Variants in AKR1C8 observed in about 807,000 individuals in gnomAD.
AKR1C8 encodes the protein aldo-keto reductase family 1 member C8.
At chr10:5,181,933 T>C in the AKR1C8 span, among the ~76,000 whole-genome samples, 1 of 152,006 alleles carries the variant, frequency 6.6e-6, no homozygotes, top group Non-Finnish European at 1.5e-5. Flanking sequence ...CATGCAAGAC[T>C]CACAAAAAAC....
At chr10:5,116,378 G>T in the AKR1C8 span, among the ~76,000 whole-genome samples, 1 of 151,970 alleles carries the variant, frequency 6.6e-6, no homozygotes, top group Admixed American at 6.6e-5. Flanking sequence ...GTGAAGTCAC[G>T]GGAATAGGAA....
At chr10:5,175,474 C>T in the AKR1C8 span, among the ~76,000 whole-genome samples, 1,000 of 152,198 alleles carry the variant, frequency 6.6e-3, 10 homozygotes, top group African/African-American at 0.023. Context: ...GATTTATAGT[C>T]CTTTGGGTAT....
the AKR1C8 span, among the ~76,000 whole-genome samples, chr10:5,140,861 T>C: frequency 6.6e-6 from 1 of 151,538 alleles, no homozygotes. Context: ...AAAGAAATTA[T>C]TCCCTCACTG....
the AKR1C8 span, among the ~76,000 whole-genome samples, chr10:5,158,378 A>G: frequency 1.3e-5 from 2 of 152,150 alleles, no homozygotes; most frequent in African/African-American, 4.8e-5. Flanking sequence ...TTATTTTAGG[A>G]GTGGGGTTGG....
At chr10:5,137,818 G>A in the AKR1C8 span, among the ~76,000 whole-genome samples, 3 of 152,084 alleles carry the variant, frequency 2.0e-5, no homozygotes, top group Non-Finnish European at 4.4e-5. Flanking sequence ...GTAGGACCGT[G>A]ATGCCTGCCT....
chr10:5,168,033 A>G, the AKR1C8 span, among the ~76,000 whole-genome samples: 1 of 152,072 alleles, frequency 6.6e-6, no homozygotes, highest in East Asian at 1.9e-4. Flanking sequence ...TTAAAAAAAA[A>G]GACTTATATT....
the AKR1C8 span, among the ~76,000 whole-genome samples, chr10:5,182,561 A>G: frequency 6.6e-6 from 1 of 152,322 alleles, no homozygotes; most frequent in Middle Eastern, 3.4e-3. Context: ...TTATTATCTG[A>G]GGTTACTTAT....
chr10:5,177,221 A>G, the AKR1C8 span, among the ~76,000 whole-genome samples: 6 of 152,080 alleles, frequency 3.9e-5, no homozygotes, highest in African/African-American at 9.6e-5. Context: ...CCTTTTCTGC[A>G]TCTATTGAGA....
chr10:5,124,206 G>C, the AKR1C8 span, among the ~76,000 whole-genome samples: 1 of 152,110 alleles, frequency 6.6e-6, no homozygotes, highest in African/African-American at 2.4e-5. Context: ...TGCAAAATAA[G>C]TAGTTTTATA....
chr10:5,157,830 A>C, the AKR1C8 span: 41 of 458,674 alleles, frequency 8.9e-5, no homozygotes, highest in Admixed American at 9.4e-4. Context: ...CACAGATGTG[A>C]AGGATGCAGG....
At chr10:5,135,937 T>A in the AKR1C8 span, among the ~76,000 whole-genome samples, 1 of 152,204 alleles carries the variant, frequency 6.6e-6, no homozygotes, top group Non-Finnish European at 1.5e-5. Flanking sequence ...GATGATGTTG[T>A]AATCCTGACA....
chr10:5,132,812 C>T, the AKR1C8 span: 2 of 867,340 alleles, frequency 2.3e-6, no homozygotes, highest in Non-Finnish European at 3.5e-6. Context: ...TCAATGTGCT[C>T]AACAGGTAGT....
At chr10:5,123,536 G>T in the AKR1C8 span, 1,257 of 606,908 alleles carry the variant, frequency 2.1e-3, 6 homozygotes, top group African/African-American at 0.021. Context: ...GCACCAGAGC[G>T]TCTCAAGTGA....
At chr10:5,139,045 C>T in the AKR1C8 span, among the ~76,000 whole-genome samples, 1 of 152,120 alleles carries the variant, frequency 6.6e-6, no homozygotes, top group Non-Finnish European at 1.5e-5. Flanking sequence ...TGAGTGAACT[C>T]CCATTCACAA....
chr10:5,157,585 C>G, the AKR1C8 span: 2 of 442,838 alleles, frequency 4.5e-6, no homozygotes, highest in Non-Finnish European at 9.4e-6. Context: ...GAGAGATCGC[C>G]CAGATCAGCA....
the AKR1C8 span, among the ~76,000 whole-genome samples, chr10:5,146,768 T>A: frequency 6.6e-6 from 1 of 152,212 alleles, no homozygotes; most frequent in African/African-American, 2.4e-5. Flanking sequence ...TTTGCTTTTA[T>A]TGCATTTGCT....
At chr10:5,157,429 T>C in the AKR1C8 span, among the ~76,000 whole-genome samples, 1 of 152,204 alleles carries the variant, frequency 6.6e-6, no homozygotes, top group African/African-American at 2.4e-5. Flanking sequence ...AACCAACTAG[T>C]AAGTGGCAAA....
At chr10:5,118,037 A>G in the AKR1C8 span, among the ~76,000 whole-genome samples, 1 of 152,162 alleles carries the variant, frequency 6.6e-6, no homozygotes, top group East Asian at 1.9e-4. Context: ...TTTCATCCCA[A>G]TAGTTCCCAA....
chr10:5,140,871 G>A, the AKR1C8 span, among the ~76,000 whole-genome samples: 1 of 152,072 alleles, frequency 6.6e-6, no homozygotes, highest in South Asian at 2.1e-4. Flanking sequence ...TTCCCTCACT[G>A]TTGATTGCTG....
Sources: gnomAD v4.1 joint callset for allele counts (sites outside exome capture counted in the v4.1 genomes callset) on GRCh38, gnomAD v4.1.1 for gene constraint, MANE v1.5 for transcripts, NCBI Gene and HGNC (gene_info 2026-07-23, HGNC 2026-07-21) for gene names.